Variants in CEP192 observed in about 807,000 individuals in gnomAD.
The protein encoded by CEP192 is centrosomal protein of 192 kDa.
A neutral mutation model predicts 271.8 loss-of-function variants in CEP192; 151 were observed. The ratio of observed to expected loss-of-function variants is 0.56; its 90% CI spans 0.49 to 0.64. The LOEUF (loss-of-function observed/expected upper bound fraction) is 0.64. CEP192 is among the 30% of genes least tolerant of loss of function. CEP192 has a pLI of 0.00. For missense variants in CEP192, 2,910 were observed against 3,020.5 expected, an observed-to-expected ratio of 0.96 and a Z score of 0.86; for synonymous variants, 995 against 1,076.5, an observed-to-expected ratio of 0.92 and a Z score of 1.48.
At chr18:13,122,268 A>G (rs2040699980) in intron 44 of CEP192, among the ~76,000 whole-genome samples, 1 of 152,228 alleles carries the variant, frequency 6.6e-6, no homozygotes, top group Non-Finnish European at 1.5e-5. Context: ...CTAAAAATAC[A>G]AAAATTAGCT....
At chr18:13,087,959 C>T (rs2038973605) in intron 32 of CEP192, among the ~76,000 whole-genome samples, 1 of 152,112 alleles carries the variant, frequency 6.6e-6, no homozygotes, top group African/African-American at 2.4e-5. Flanking sequence ...CTCTTGATGA[C>T]ATGTTAAGTG....
intron 1 of CEP192, among the ~76,000 whole-genome samples, chr18:12,993,893 C>T (rs916742679): frequency 3.3e-5 from 5 of 152,178 alleles, no homozygotes; most frequent in African/African-American, 1.2e-4. Flanking sequence ...TAGATTCTTT[C>T]TTAAAACTCG....
chr18:13,079,716 C>T (rs1330004172), intron 30 of CEP192, among the ~76,000 whole-genome samples: 1 of 152,192 alleles, frequency 6.6e-6, no homozygotes, highest in Non-Finnish European at 1.5e-5. Context: ...TTGCCCATAC[C>T]TATGTCCTAA....
At chr18:13,000,091 C>CTCTTT (rs1555698196) in intron 2 of CEP192, among the ~76,000 whole-genome samples, 1 of 76,746 alleles carries the variant, frequency 1.3e-5, no homozygotes, top group Admixed American at 1.8e-4. Context: ...TGTCTTCTCT[C>CTCTTT]TTTTTTTTTT....
intron 40 of CEP192, among the ~76,000 whole-genome samples, chr18:13,105,786 C>A (rs2039919381): frequency 6.6e-6 from 1 of 152,096 alleles, no homozygotes. Flanking sequence ...TAGTTCATTC[C>A]CCAAACCACA....
chr18:13,117,601 C>G lies in CEP192; in HGVS notation c.7433C>G (p.Pro2478Arg). 9 of 1,611,386 alleles carry G rather than the reference C, an allele frequency of 5.6e-6. No homozygotes were observed. The highest frequency in any genetic ancestry group is 7.6e-6 in the Non-Finnish European group (9 of 1,177,942). ...FITHSLKFLS[P>R]REPFYVKHSK... ...AAATTCCAGCTGAAGTTTTTGAGTC[C>G]CAGAGAGCCATTCTATGTCAAACAT... The change falls in exon 44 of 45, where the codon CCC becomes CGC. Residue 2478 changes from proline (P) to arginine (R), a missense_variant. Physicochemically the swap from Pro to Arg is moderately radical, Grantham distance 103. Transcript: ENST00000506447.
chr18:13,099,707 T>A, intron 37 of CEP192, 126 bp downstream of exon 37: 1 of 563,036 alleles, frequency 1.8e-6, no homozygotes, highest in Non-Finnish European at 3.2e-6. Context: ...TTCATATTTG[T>A]GGGTTCCACT....
intron 30 of CEP192, among the ~76,000 whole-genome samples, chr18:13,082,432 C>CTTTTTTTTTTTTTTTTT (rs57663388): frequency 1.0e-3 from 51 of 49,946 alleles, no homozygotes; most frequent in African/African-American, 1.8e-3. Flanking sequence ...GCAACCCCTG[C>CTTTTTTTTTTTTTTTTT]TTTTTTTTTT....
chr18:13,090,664 A>T (rs1003045778), intron 33 of CEP192, among the ~76,000 whole-genome samples: 1 of 152,170 alleles, frequency 6.6e-6, no homozygotes, highest in African/African-American at 2.4e-5. Flanking sequence ...TGACAAAAAG[A>T]CTTCAAATGG....
intron 43 of CEP192, 32 bp from the exon 44 acceptor site, chr18:13,117,553 A>G: frequency 2.0e-6 from 3 of 1,494,328 alleles, no homozygotes; most frequent in Non-Finnish European, 2.8e-6. Context: ...TAATTTTCAT[A>G]ACTTTATAAA....
intron 28 of CEP192, 27 bp from the exon 29 acceptor site, chr18:13,072,728 A>G (rs2038075438): frequency 6.9e-7 from 1 of 1,451,608 alleles, no homozygotes; most frequent in Non-Finnish European, 9.7e-7. Flanking sequence ...GAGAAAAACC[A>G]TATTTAAAAT....
At chr18:12,995,374 A>T (rs1568250488) in intron 1 of CEP192, among the ~76,000 whole-genome samples, 1 of 152,076 alleles carries the variant, frequency 6.6e-6, no homozygotes, top group Non-Finnish European at 1.5e-5. Context: ...TCATGGGAGG[A>T]TTTTGAACAT....
At chr18:13,099,699 C>T in intron 37 of CEP192, 118 bp downstream of exon 37, 1 of 572,622 alleles carries the variant, frequency 1.7e-6, no homozygotes, top group South Asian at 2.8e-5. Flanking sequence ...CTTGACCCTT[C>T]ATATTTGTGG....
rs1267756657 is a variant in CEP192 at position 13,048,958 on chromosome 18, G to A, written c.2167G>A (p.Ala723Thr). 1.2e-6 allele frequency: 2 copies of A among 1,614,070 alleles called. No individual in the cohort carries two copies. The highest frequency in any genetic ancestry group is 1.7e-6 in the Non-Finnish European group (2 of 1,179,946). The part of the protein sequence containing the change: ...LRISTIASAI[A>T]EASVNTDPSQ... ...GATCAGCACCATTGCTTCAGCCATT[G>A]CAGAGGCATCAGTTAATACTGATCC... is the stretch of plus-strand genomic sequence containing the variant. Residue 723 changes from alanine (A) to threonine (T), a missense_variant, in exon 16 of 45, where the codon GCA (alanine) becomes ACA (threonine). Transcript: ENST00000506447.
At chr18:13,122,713 T>G (rs959479567) in intron 44 of CEP192, among the ~76,000 whole-genome samples, 1 of 152,250 alleles carries the variant, frequency 6.6e-6, no homozygotes, top group Admixed American at 6.5e-5. Flanking sequence ...ATGGCCTCTC[T>G]GCTCCCTAGA....
At chr18:13,080,436 T>C (rs1568385096) in intron 30 of CEP192, among the ~76,000 whole-genome samples, 2 of 152,156 alleles carry the variant, frequency 1.3e-5, no homozygotes, top group African/African-American at 2.4e-5. Flanking sequence ...TGGCTCTCTG[T>C]TTGTCTGTTA....
At chr18:13,002,387 ATAATGT>A (rs1467203389) in intron 3 of CEP192, among the ~76,000 whole-genome samples, 2 of 152,208 alleles carry the variant, frequency 1.3e-5, no homozygotes, top group Non-Finnish European at 2.9e-5. Flanking sequence ...AATCTGTGTC[ATAATGT>A]TAATGACTAT....
chr18:13,060,858 A>C (rs1401675288), intron 21 of CEP192, among the ~76,000 whole-genome samples: 2 of 152,066 alleles, frequency 1.3e-5, no homozygotes, highest in East Asian at 3.9e-4. Context: ...CAGGAGTTTG[A>C]GGCTATAGTG....
At chr18:13,110,751 A>G (rs989848547) in intron 40 of CEP192, among the ~76,000 whole-genome samples, 3 of 152,254 alleles carry the variant, frequency 2.0e-5, no homozygotes, top group Admixed American at 6.5e-5. Flanking sequence ...TGCAGCCTTC[A>G]GTCTGTGGCC....
Sources: gnomAD v4.1 joint callset for allele counts (sites outside exome capture counted in the v4.1 genomes callset) on GRCh38, gnomAD v4.1.1 for gene constraint, MANE v1.5 for transcripts, NCBI Gene and HGNC (gene_info 2026-07-23, HGNC 2026-07-21) for gene names.